The following JSRP1 variants were observed in gnomAD, a reference collection of about 807,000 sequenced individuals.
The protein encoded by JSRP1 is 2310032K21Rik.
In JSRP1, 29 loss-of-function variants were observed where a neutral mutation model predicts 21.4. The ratio of observed to expected loss-of-function variants is 1.36; its 90% CI spans 1.01 to 1.85. The LOEUF (loss-of-function observed/expected upper bound fraction) is 1.85. Ranked by LOEUF, JSRP1 falls within the 40% of genes most tolerant of loss-of-function variation. JSRP1 has a pLI of 0.00. For synonymous variants in JSRP1, 221 were observed against 206.1 expected (o/e 1.07, Z -0.62); for missense variants, 531 against 461.5 (o/e 1.15, Z -1.38).
rs758353100 is a variant in JSRP1 at position 2,252,774 on chromosome 19, G to C, written c.551C>G (p.Pro184Arg). The stretch of plus-strand genomic sequence containing the variant: ...CCGGGGCGCAGGCGGCGCTGATGGA[G>C]GCGCCTGGGCCTCGAACTTAGGCTG... ...SPLPKFEAQA[P>R]PSAPPAPRAE... Residue 184 changes from proline to arginine, a missense_variant, in exon 7 of 7, where the codon CCT becomes CGT. Pro to Arg is a moderately radical substitution (Grantham distance 103). Transcript: ENST00000300961. 40 of 1,611,792 alleles carry C rather than the reference G, an allele frequency of 2.5e-5. No homozygotes were observed. Among genetic ancestry groups the C allele is most frequent in the Non-Finnish European group, 3.4e-5 (40 of 1,179,614 alleles).
chr19:2,254,626 C>A lies in JSRP1; in HGVS notation c.110-144G>T, dbSNP rs2025121618. ...GTGGAGGCCAGCACAGTGGTTCACA[C>A]CTGGAATCCAGCATTTTGGGGAGAC... On this transcript the variant is annotated intron_variant, in intron 2 of 6. Coordinates refer to ENST00000300961, the MANE Select transcript of JSRP1 (RefSeq NM_144616.4). 3 of 875,842 alleles carry A rather than the reference C, an allele frequency of 3.4e-6. No homozygotes were observed. The South Asian group carries it at 4.8e-5, about 14-fold the overall frequency. The allele number at this position is 875,842 out of a possible 1,614,324, so 54.3% of individuals were successfully genotyped here.
Position 2,253,768 on chromosome 19 carries a change from C to T in JSRP1, c.288G>A (p.Lys96=), listed in dbSNP as rs1361339670. ...GCAGGGGCGGCGCGGTCTGCGCCTTCTTGCGCGCGGGGACGCTCCGAGGGC... is the reference window on the plus strand; with the variant it reads ...GCAGGGGCGGCGCGGTCTGCGCCTTTTTGCGCGCGGGGACGCTCCGAGGGC... ...GASPRSVPAR[K]KAQTAPPLQP... The change falls in exon 5 of 7, where the codon AAG becomes AAA. Residue 96 remains lysine, a synonymous_variant. Transcript: ENST00000300961. 8 of 1,435,486 alleles carry T rather than the reference C, an allele frequency of 5.6e-6. No homozygotes were observed. In the Admixed American group the frequency reaches 9.0e-5, roughly 16 times the overall value. The allele number at this position is 1,435,486 out of a possible 1,614,324, so 88.9% of individuals were successfully genotyped here.
chr19:2,255,246 G>C lies in JSRP1; in HGVS notation c.69C>G (p.Asp23Glu). ...GGLGSCQALE[D>E]HSALAETQED... ...CCTGGGTCTCGGCCAGCGCAGAGTG[G>C]TCCTCCAGGGCCTGGCAGCTGCCCA... Residue 23 changes from aspartate to glutamate, a missense_variant, in exon 2 of 7, where the codon GAC becomes GAG. Transcript: ENST00000300961. 6.2e-7 allele frequency: 1 copy of C among 1,611,322 alleles called. No individual in the cohort carries two copies. Among genetic ancestry groups the C allele is most frequent in the Non-Finnish European group, 8.5e-7 (1 of 1,178,914 alleles).
chr19:2,252,800 C>T lies in JSRP1; in HGVS notation c.529-4G>A. The T allele has an allele frequency of 6.2e-7, 1 of 1,609,674 alleles. No homozygotes were observed. Among genetic ancestry groups the T allele is most frequent in the African/African-American group, 1.3e-5 (1 of 74,780 alleles). Reference sequence around the variant, plus strand: ...GCGCCTGGGCCTCGAACTTAGGCTGCAAGACAGAGTGGGGTCCTGGGGTAA... The same window carrying T: ...GCGCCTGGGCCTCGAACTTAGGCTGTAAGACAGAGTGGGGTCCTGGGGTAA... On this transcript the variant is annotated splice_region_variant and splice_polypyrimidine_tract_variant and intron_variant, in intron 6 of 6. Transcript: ENST00000300961.
intron 5 of JSRP1, among the ~76,000 whole-genome samples, chr19:2,253,361 T>C (rs987984563): frequency 4.6e-5 from 7 of 152,124 alleles, no homozygotes; most frequent in Admixed American, 3.3e-4. Context: ...CAGGAGGGGT[T>C]GCACAAGGTT....
In JSRP1 at chr19:2,252,628, G is replaced by A. The variant is rs201988120; in HGVS notation, c.697C>T (p.Arg233Trp). Residue 233 changes from arginine (R) to tryptophan (W), a missense_variant, in exon 7 of 7, where the codon CGG (arginine) becomes TGG (tryptophan). Coordinates refer to ENST00000300961, the MANE Select transcript of JSRP1 (RefSeq NM_144616.4). ...CTCCGAGGCCTCTCCTTGGGTCCCC[G>A]GTCTGCGAGGGTCACACGGTCCTCC... Reference protein sequence around the residue: ...VREDRVTLADRGPKERPRREG... With the variant: ...VREDRVTLADWGPKERPRREG... 140 of 1,612,406 alleles carry A rather than the reference G, an allele frequency of 8.7e-5. No individual in the cohort carries two copies. In the East Asian group the frequency reaches 2.8e-3, roughly 32 times the overall value.
chr19:2,256,365 C>A lies in JSRP1; in HGVS notation c.-31+18G>T, dbSNP rs897560899. 1 of 152,554 alleles carries A rather than the reference C, an allele frequency of 6.6e-6. No homozygotes were observed. The highest frequency in any genetic ancestry group is 2.4e-5 in the African/African-American group (1 of 41,460). 9.5% of individuals were successfully genotyped at this position (152,554 alleles called of 1,614,324 possible). On this transcript the variant is annotated intron_variant, in intron 1 of 6. Transcript: ENST00000300961. Reference sequence around the variant, plus strand: ...GGATTCCCCCAGCCTCACTTCCTTACCCCCGAGCCTCGCTTACCCGCCAGC... The same window carrying A: ...GGATTCCCCCAGCCTCACTTCCTTAACCCCGAGCCTCGCTTACCCGCCAGC...
chr19:2,254,258 T>C lies in JSRP1; in HGVS notation c.191A>G (p.Lys64Arg), dbSNP rs932418423. ...AEGPSVDTRP[K>R]KMEKEPAARG... ...GGCGGCAGGCTCTTTTTCCATCTTC[T>C]TGGGCCTGGTGTCCACACTGGGGCC... Residue 64 changes from lysine (K) to arginine (R), a missense_variant, in exon 4 of 7, where the codon AAG becomes AGG. Lys to Arg is a conservative substitution (Grantham distance 26). Transcript: ENST00000300961. 2 of 1,605,560 alleles carry C rather than the reference T, an allele frequency of 1.2e-6. No individual in the cohort carries two copies. Among genetic ancestry groups the C allele is most frequent in the Non-Finnish European group, 1.7e-6 (2 of 1,176,160 alleles).
At position 2,253,705 on chromosome 19, in the gene JSRP1, C is replaced by T; in HGVS notation, c.351G>A (p.Leu117=). The change falls in exon 5 of 7, where the codon CTG becomes CTA. Residue 117 remains leucine (L), a synonymous_variant. Transcript: ENST00000300961. ...PPPPPALSEE[L]PWGDLSLNKC... is the part of the protein sequence containing the mutation. ...TGTTGAGCGACAGGTCTCCCCAGGG[C>T]AGCTCCTCGCTCAGGGCCGGGGGCG... 1 of 1,503,348 alleles carries T rather than the reference C, an allele frequency of 6.7e-7. No individual in the cohort carries two copies. Among genetic ancestry groups the T allele is most frequent in the Non-Finnish European group, 8.8e-7 (1 of 1,133,820 alleles). The allele number at this position is 1,503,348 out of a possible 1,614,324, so 93.1% of individuals were successfully genotyped here. A position where few individuals can be genotyped will look rare whatever the true frequency, so the allele number is the denominator to read the frequency against.
At chr19:2,253,286 G>A (rs1173708156) in intron 5 of JSRP1, among the ~76,000 whole-genome samples, 5 of 150,846 alleles carry the variant, frequency 3.3e-5, no homozygotes, top group Admixed American at 3.3e-4. Context: ...TGCCCCCGGG[G>A]GGCGCTCACG....
chr19:2,253,809 C>A lies in JSRP1; in HGVS notation c.263-16G>T, dbSNP rs1398574543. ...CTCCGAGGGCCTGCGGGGGCAAGTG[C>A]GCGCTGCGCTGTGGTCACTGGCTCT... On this transcript the variant is annotated splice_polypyrimidine_tract_variant and intron_variant, in intron 4 of 6. Coordinates refer to ENST00000300961, the MANE Select transcript of JSRP1 (RefSeq NM_144616.4). 2.2e-6 allele frequency: 3 copies of A among 1,377,166 alleles called. No homozygotes were observed. The highest frequency in any genetic ancestry group is 3.1e-5 in the African/African-American group (2 of 65,048). The allele number at this position is 1,377,166 out of a possible 1,614,324, so 85.3% of individuals were successfully genotyped here.
In JSRP1 at chr19:2,252,711, C is replaced by T. The variant is rs1257982636; in HGVS notation, c.614G>A (p.Arg205Gln). ...CTCTTCGTCGTTCTCTGCAGCCTCC[C>T]GACTCCCGGGAATCTTGGGTCTGAC... ...AEVRPKIPGSREAAENDEEEP... is the reference protein window; with the variant it reads ...AEVRPKIPGSQEAAENDEEEP... The change falls in exon 7 of 7, where the codon CGG becomes CAG. Residue 205 changes from arginine (R) to glutamine (Q), a missense_variant. Arg to Gln is a conservative substitution (Grantham distance 43). Transcript: ENST00000300961. 12 of 1,612,438 alleles carry T rather than the reference C, an allele frequency of 7.4e-6. No individual in the cohort carries two copies. The highest frequency in any genetic ancestry group is 1.7e-5 in the Admixed American group (1 of 60,032).
rs781087480 is a variant in JSRP1 at position 2,252,789 on chromosome 19, A to T, written c.536T>A (p.Phe179Tyr). The change falls in exon 7 of 7, where the codon TTC becomes TAC. Residue 179 changes from phenylalanine to tyrosine, a missense_variant. By Grantham distance (22) the Phe-to-Tyr change is conservative. Coordinates refer to ENST00000300961, the MANE Select transcript of JSRP1 (RefSeq NM_144616.4). ...PREPSSPLPK[F>Y]EAQAPPSAPP... ...CGCTGATGGAGGCGCCTGGGCCTCG[A>T]ACTTAGGCTGCAAGACAGAGTGGGG... 2 of 1,610,838 alleles carry T rather than the reference A, an allele frequency of 1.2e-6. No homozygotes were observed. Among genetic ancestry groups the T allele is most frequent in the Admixed American group, 1.7e-5 (1 of 59,650 alleles).
Position 2,255,323 on chromosome 19 carries a change from C to A in JSRP1, c.-9G>T. The A allele has an allele frequency of 6.3e-7, 1 of 1,593,238 alleles. No individual in the cohort carries two copies. Among genetic ancestry groups the A allele is most frequent in the Non-Finnish European group, 8.6e-7 (1 of 1,166,084 alleles). On this transcript the variant is annotated 5_prime_UTR_variant, in exon 2 of 7. Transcript: ENST00000300961. ...CTGGTTGTCATGGACATGGCTGGAG[C>A]AGCAGCAGGTCCCAGGCCAGGCTGG...
chr19:2,252,374 C>A lies in JSRP1; in HGVS notation c.951G>T (p.Arg317=). 1.9e-6 allele frequency: 3 copies of A among 1,576,226 alleles called. No homozygotes were observed. Among genetic ancestry groups the A allele is most frequent in the Non-Finnish European group, 2.6e-6 (3 of 1,164,138 alleles). Residue 317 remains arginine, a synonymous_variant, in exon 7 of 7, where the codon CGG becomes CGT. Transcript: ENST00000300961. ...CGCGGAGCTTCTGGCGACTCCCAGG[C>A]CGCTGCTCCTCGTCGGGACGCCTCG... is the stretch of plus-strand genomic sequence containing the variant. ...VSPRRPDEEQ[R]PGSRQKLRAG... is the part of the protein sequence containing the mutation.
At position 2,252,741 on chromosome 19, in the gene JSRP1, G is replaced by A; in HGVS notation, c.584C>T (p.Ala195Val). 6.2e-7 allele frequency: 1 copy of A among 1,612,540 alleles called. No individual in the cohort carries two copies. Among genetic ancestry groups the A allele is most frequent in the Non-Finnish European group, 8.5e-7 (1 of 1,179,898 alleles). Residue 195 changes from alanine to valine, a missense_variant, in exon 7 of 7, where the codon GCA (alanine) becomes GTA (valine). Ala to Val is a moderately conservative substitution (Grantham distance 64). Coordinates refer to ENST00000300961, the MANE Select transcript of JSRP1 (RefSeq NM_144616.4). ...PSAPPAPRAE[A>V]EVRPKIPGSR... is the part of the protein sequence containing the mutation. ...CCCGGGAATCTTGGGTCTGACCTCT[G>A]CCTCGGCCCGGGGCGCAGGCGGCGC...
At position 2,253,622 on chromosome 19, in the gene JSRP1, C is replaced by A; in HGVS notation, c.434G>T (p.Arg145Leu). 6.7e-7 allele frequency: 1 copy of A among 1,485,148 alleles called. No homozygotes were observed. The highest frequency in any genetic ancestry group is 8.9e-7 in the Non-Finnish European group (1 of 1,125,144). The allele number at this position is 1,485,148 out of a possible 1,614,324, so 92.0% of individuals were successfully genotyped here. The stretch of plus-strand genomic sequence containing the variant: ...ACCTCTGGGGAGCCTGCGCTCACCG[C>A]GGCACAGCTGGAAAGCCGAGCCCAG... ...ALLGSAFQLC[R>L]DAVPGEAALQ... Residue 145 changes from arginine (R) to leucine (L), a missense_variant and splice_region_variant, in exon 5 of 7, where the codon CGC becomes CTC. Arg to Leu is a moderately radical substitution (Grantham distance 102). Transcript: ENST00000300961.
rs1191190324 is a variant in JSRP1 at position 2,253,738 on chromosome 19, C to T, written c.318G>A (p.Pro106=). 11 of 1,486,024 alleles carry T rather than the reference C, an allele frequency of 7.4e-6. No homozygotes were observed. Among genetic ancestry groups the T allele is most frequent in the East Asian group, 2.8e-5 (1 of 35,798 alleles). 92.1% of individuals were successfully genotyped at this position (1,486,024 alleles called of 1,614,324 possible). The part of the protein sequence containing the change: ...KKAQTAPPLQ[P]PPPPPALSEE... The stretch of plus-strand genomic sequence containing the variant: ...CGCTCAGGGCCGGGGGCGGCGGCGG[C>T]GGCTGCAGGGGCGGCGCGGTCTGCG... The change falls in exon 5 of 7, where the codon CCG becomes CCA. Residue 106 remains proline (P), a synonymous_variant. Coordinates refer to ENST00000300961, the MANE Select transcript of JSRP1 (RefSeq NM_144616.4).
Position 2,252,398 on chromosome 19 carries a change from C to G in JSRP1, c.927G>C (p.Pro309=). Residue 309 remains proline, a synonymous_variant, in exon 7 of 7, where the codon CCG becomes CCC. Transcript: ENST00000300961. The stretch of plus-strand genomic sequence containing the variant: ...GCCGCTGCTCCTCGTCGGGACGCCT[C>G]GGGGACACCCAGGCCTGCTTCTTCC... ...EPRKKQAWVS[P]RRPDEEQRPG... 6.2e-7 allele frequency: 1 copy of G among 1,601,132 alleles called. No individual in the cohort carries two copies. Among genetic ancestry groups the G allele is most frequent in the Non-Finnish European group, 8.5e-7 (1 of 1,175,974 alleles).
Sources: allele counts gnomAD v4.1 joint callset (sites outside exome capture counted in the v4.1 genomes callset), GRCh38; gene constraint gnomAD v4.1.1; transcripts MANE v1.5; gene names NCBI Gene and HGNC (gene_info 2026-07-23, HGNC 2026-07-21).